PSMD14: variants seen among roughly 807,000 people sequenced by gnomAD.
PSMD14 encodes ubiquitin C-terminal hydrolase PSMD14.
A neutral mutation model predicts 41.2 loss-of-function variants in PSMD14; 7 were observed. The ratio of observed to expected loss-of-function variants is 0.17; its 90% CI spans 0.10 to 0.32. The LOEUF (loss-of-function observed/expected upper bound fraction) is 0.32. Ranked by LOEUF, PSMD14 falls within the 10% of genes least tolerant of loss-of-function variation. The probability of loss-of-function intolerance (pLI) is 1.00; values close to 1 mark genes in which losing one functional copy is unlikely to be tolerated. For synonymous variants in PSMD14, 114 were observed against 122.3 expected, an observed-to-expected ratio of 0.93 and a Z score of 0.45; for missense variants, 139 against 375.6, an observed-to-expected ratio of 0.37 and a Z score of 5.21.
At chr2:161,314,057 G>A (rs753815177) in intron 1 of PSMD14, among the ~76,000 whole-genome samples, 1 of 152,124 alleles carries the variant, frequency 6.6e-6, no homozygotes, top group Non-Finnish European at 1.5e-5. Context: ...GTTGAAGATA[G>A]GATGGCCATC....
intron 3 of PSMD14, among the ~76,000 whole-genome samples, chr2:161,340,343 G>A (rs1177314106): frequency 1.3e-5 from 2 of 152,188 alleles, no homozygotes; most frequent in African/African-American, 2.4e-5. Context: ...CCACCCTGAC[G>A]GAGCTGGTGA....
chr2:161,352,946 C>A (rs557180810), intron 3 of PSMD14, among the ~76,000 whole-genome samples: 62 of 152,282 alleles, frequency 4.1e-4, no homozygotes, highest in African/African-American at 1.4e-3. Context: ...CTCCTTTGAT[C>A]AGTGATCCAG....
chr2:161,367,520 G>A lies in PSMD14; in HGVS notation c.91G>A (p.Val31Ile). 6.2e-7 allele frequency: 1 copy of A among 1,602,840 alleles called. No homozygotes were observed. The change falls in exon 4 of 12, where the codon GTC becomes ATC. Residue 31 changes from valine (V) to isoleucine (I), a missense_variant. By Grantham distance (29) the Val-to-Ile change is conservative. This residue lies in a region of PSMD14 where 24 missense variants were observed against 55.3 expected (regional missense o/e 0.43). Transcript: ENST00000409682. ...TCCTGCAGTGGACACAGCAGAACAA[G>A]TCTATATCTCTTCCCTGGCACTGTT... ...DAPAVDTAEQ[V>I]YISSLALLKM...
At chr2:161,353,935 C>T (rs1339706051) in intron 3 of PSMD14, among the ~76,000 whole-genome samples, 1 of 152,164 alleles carries the variant, frequency 6.6e-6, no homozygotes, top group Non-Finnish European at 1.5e-5. Context: ...ATTATGGGTG[C>T]TTCCCAAAAT....
chr2:161,373,070 A>G (rs1683461376), intron 7 of PSMD14, among the ~76,000 whole-genome samples: 1 of 151,802 alleles, frequency 6.6e-6, no homozygotes, highest in South Asian at 2.1e-4. Flanking sequence ...TCCTTTTGTA[A>G]TGTTTAAAAT....
chr2:161,382,694 T>A (rs1270370047), intron 7 of PSMD14: 1 of 151,842 alleles, frequency 6.6e-6, no homozygotes, highest in African/African-American at 2.4e-5. Context: ...TCTTCATACT[T>A]TAGCTCAGAG....
At chr2:161,338,837 C>T (rs1271518617) in intron 3 of PSMD14, among the ~76,000 whole-genome samples, 4 of 152,174 alleles carry the variant, frequency 2.6e-5, no homozygotes, top group African/African-American at 4.8e-5. Context: ...CCCCAGACTA[C>T]CACTGATTTG....
At chr2:161,340,714 G>GGC (rs1273484444) in intron 3 of PSMD14, 1 of 1,578,412 alleles carries the variant, frequency 6.3e-7, no homozygotes, top group Non-Finnish European at 8.6e-7. Flanking sequence ...ATGCACCCTG[G>GGC]GCGCCTGCCC....
At chr2:161,310,370 A>G (rs542667568) in intron 1 of PSMD14, among the ~76,000 whole-genome samples, 83 of 152,278 alleles carry the variant, frequency 5.5e-4, no homozygotes, top group African/African-American at 2.0e-3. Flanking sequence ...TGCTTTTTTA[A>G]TTTTCAATTT....
intron 3 of PSMD14, among the ~76,000 whole-genome samples, chr2:161,359,602 C>T (rs1384261470): frequency 6.6e-6 from 1 of 152,076 alleles, no homozygotes; most frequent in African/African-American, 2.4e-5. Context: ...CTGTGCCCAT[C>T]TAGACTTCAG....
chr2:161,374,061 G>A (rs1574134399), intron 7 of PSMD14, among the ~76,000 whole-genome samples: 1 of 151,790 alleles, frequency 6.6e-6, no homozygotes, highest in Admixed American at 6.6e-5. Context: ...ACAAAGATAT[G>A]AATCCAGTTC....
At chr2:161,325,044 T>G (rs1168281731) in intron 3 of PSMD14, among the ~76,000 whole-genome samples, 2 of 152,094 alleles carry the variant, frequency 1.3e-5, no homozygotes, top group Non-Finnish European at 2.9e-5. Flanking sequence ...AAGTTAGAAA[T>G]CACATGATTT....
intron 8 of PSMD14, among the ~76,000 whole-genome samples, chr2:161,387,420 G>C (rs1683647806): frequency 6.6e-6 from 1 of 151,962 alleles, no homozygotes; most frequent in African/African-American, 2.4e-5. Context: ...CTGGTGTTAA[G>C]AGGGGCCTTG....
chr2:161,382,110 T>G (rs1379575742), intron 7 of PSMD14: 1 of 151,880 alleles, frequency 6.6e-6, no homozygotes, highest in Middle Eastern at 3.2e-3. Flanking sequence ...CAGAAAGTGG[T>G]GTGTGATTGT....
At chr2:161,409,258 T>A (rs1683994117) in intron 11 of PSMD14, among the ~76,000 whole-genome samples, 2 of 152,114 alleles carry the variant, frequency 1.3e-5, no homozygotes, top group Non-Finnish European at 2.9e-5. Context: ...ATGTACTTTA[T>A]CAATATGTAG....
At chr2:161,393,186 C>T (rs1683738174) in intron 9 of PSMD14, among the ~76,000 whole-genome samples, 2 of 152,152 alleles carry the variant, frequency 1.3e-5, no homozygotes, top group Admixed American at 1.3e-4. Flanking sequence ...TATCCTGTTG[C>T]TCCTTGGGAA....
At chr2:161,373,948 TA>T (rs1179814604) in intron 7 of PSMD14, among the ~76,000 whole-genome samples, 1 of 151,814 alleles carries the variant, frequency 6.6e-6, no homozygotes, top group Non-Finnish European at 1.5e-5. Context: ...GTTATAATCC[TA>T]AAGATAGGCC....
intron 3 of PSMD14, among the ~76,000 whole-genome samples, chr2:161,346,243 G>GT (rs1683040381): frequency 6.6e-6 from 1 of 151,864 alleles, no homozygotes; most frequent in African/African-American, 2.4e-5. Context: ...ATTTTGCATT[G>GT]TTTTTTCTTC....
rs2105275383 is a variant in PSMD14, at chr2:161,411,554, A to G, written c.*154A>G. 2.4e-6 allele frequency: 1 copy of G among 417,084 alleles called. No individual in the cohort carries two copies. The allele number at this position is 417,084 out of a possible 1,614,324, so 25.8% of individuals were successfully genotyped here. ...GTAACACCTTCAGTCTCAGTTGTGC[A>G]ATTACTTCTGTTTCTTTAGTCAGGG... On this transcript the variant is annotated 3_prime_UTR_variant, in exon 12 of 12. Coordinates refer to ENST00000409682, the MANE Select transcript of PSMD14 (RefSeq NM_005805.6).
Sources: gnomAD v4.1 joint callset for allele counts (sites outside exome capture counted in the v4.1 genomes callset) on GRCh38, gnomAD v4.1.1 for gene constraint, gnomAD v4.1.1 regional missense constraint, MANE v1.5 for transcripts, NCBI Gene and HGNC (gene_info 2026-07-23, HGNC 2026-07-21) for gene names.